Variants in INF2 observed in about 807,000 individuals in gnomAD.
The protein encoded by INF2 is inverted formin 2, also known as inverted formin-2.
A neutral mutation model predicts 123.5 loss-of-function variants in INF2; 43 were observed. That is an observed-to-expected ratio of 0.35 (90% confidence interval 0.27 to 0.45). The LOEUF is 0.45. Among genes scored for constraint, INF2 ranks in the 20% least tolerant of loss-of-function variants. INF2 has a pLI of 1.00. For missense variants in INF2, 1,453 were observed against 1,682.7 expected, an observed-to-expected ratio of 0.86 and a Z score of 2.39; for synonymous variants, 851 against 745.0, an observed-to-expected ratio of 1.14 and a Z score of -2.32.
At chr14:104,710,336 C>T in intron 13 of INF2, 148 bp downstream of exon 13, 1 of 621,560 alleles carries the variant, frequency 1.6e-6, no homozygotes, top group Non-Finnish European at 2.9e-6. Context: ...ACTCCGGAAA[C>T]CACCCTGCTG....
rs150852003 is a variant in INF2, at chr14:104,710,578, A to C, written c.2240-359A>C. ...GCACACAGGACACACAGACACACGT[A>C]CACACCCCCCCAACACACACACCCT... On this transcript the variant is annotated intron_variant, in intron 13 of 22. Transcript: ENST00000392634. 467 of 500,328 alleles carry C rather than the reference A, an allele frequency of 9.3e-4. 3 individuals carry two copies. The highest frequency in any genetic ancestry group is 7.8e-3 in the African/African-American group (406 of 52,090). The allele number at this position is 500,328 out of a possible 1,614,324, so 31.0% of individuals were successfully genotyped here.
rs1170986292 is a variant in INF2 at position 104,720,247 on chromosome 14, AT to A, written c.*1458del. 1 of 156,916 alleles carries A rather than the reference AT, an allele frequency of 6.4e-6. No individual in the cohort carries two copies. Among genetic ancestry groups the A allele is most frequent in the Admixed American group, 6.5e-5 (1 of 15,346 alleles). 9.7% of individuals were successfully genotyped at this position (156,916 alleles called of 1,614,324 possible). A position where few individuals can be genotyped will look rare whatever the true frequency, so the allele number is the denominator to read the frequency against. ...ACATTCCATTGCATGCAGGGACCAC[AT>A]TTTGTTTGTCTGCTCTTCTGTCCAT... On this transcript the variant is annotated 3_prime_UTR_variant, in exon 23 of 23. Transcript: ENST00000392634.
chr14:104,695,124 G>A (rs1225075676), intron 1 of INF2, among the ~76,000 whole-genome samples: 1 of 152,108 alleles, frequency 6.6e-6, no homozygotes, highest in African/African-American at 2.4e-5. Context: ...TTGCCCAGCA[G>A]ACCCCCTGCA....
chr14:104,711,494 G>A, intron 15 of INF2, 135 bp from the exon 16 acceptor site: 1 of 800,164 alleles, frequency 1.2e-6, no homozygotes, highest in Non-Finnish European at 2.2e-6. Context: ...CCAAGGGAAA[G>A]ATTTGAGGGT....
intron 1 of INF2, among the ~76,000 whole-genome samples, chr14:104,697,421 G>T (rs1889241052): frequency 6.6e-6 from 1 of 152,234 alleles, no homozygotes; most frequent in African/African-American, 2.4e-5. Context: ...ACAGCTCGGT[G>T]CTGGGCCTGC....
chr14:104,697,887 C>G (rs569092240), intron 1 of INF2, among the ~76,000 whole-genome samples: 2,323 of 151,912 alleles, frequency 0.015, 47 homozygotes, highest in African/African-American at 0.053. Flanking sequence ...GGTGGACTGC[C>G]GGGGGGGGTG....
At chr14:104,695,011 G>T (rs1208595179) in intron 1 of INF2, among the ~76,000 whole-genome samples, 1 of 152,160 alleles carries the variant, frequency 6.6e-6, no homozygotes, top group African/African-American at 2.4e-5. Flanking sequence ...GACAGAGGAG[G>T]GACCTGGGGC....
chr14:104,692,298 C>G (rs899491026), intron 1 of INF2, among the ~76,000 whole-genome samples: 1 of 152,264 alleles, frequency 6.6e-6, no homozygotes, highest in African/African-American at 2.4e-5. Flanking sequence ...CCATTTTACA[C>G]TCAGTGCCAT....
rs759780715 is a variant in INF2 at position 104,710,928 on chromosome 14, C to T, written c.2240-9C>T. 2.0e-5 allele frequency: 32 copies of T among 1,611,520 alleles called. No individual in the cohort carries two copies. Among genetic ancestry groups the T allele is most frequent in the Non-Finnish European group, 2.7e-5 (32 of 1,179,262 alleles). The stretch of plus-strand genomic sequence containing the variant: ...AAGAGCCCCTCTCCAGCCCTGGCTG[C>T]CCCTGCAGGCCTGCTCACCAGCCGC... On this transcript the variant is annotated splice_polypyrimidine_tract_variant and intron_variant, in intron 13 of 22. Transcript: ENST00000392634.
At chr14:104,696,948 G>A (rs970561611) in intron 1 of INF2, among the ~76,000 whole-genome samples, 2 of 152,062 alleles carry the variant, frequency 1.3e-5, no homozygotes, top group Non-Finnish European at 2.9e-5. Flanking sequence ...CCCCCCACAG[G>A]TGCTCATGTG....
intron 1 of INF2, among the ~76,000 whole-genome samples, chr14:104,692,084 G>T (rs1331536144): frequency 6.6e-6 from 1 of 152,018 alleles, no homozygotes; most frequent in East Asian, 1.9e-4. Flanking sequence ...GTCAGTCCCC[G>T]AGGGCCAGCC....
chr14:104,686,327 G>A (rs1888662875), upstream of INF2, among the ~76,000 whole-genome samples: 1 of 151,534 alleles, frequency 6.6e-6, no homozygotes, highest in South Asian at 2.1e-4. Context: ...ATGGGTGGAT[G>A]AGTGGATTAA....
rs147432375 is a variant in INF2 at position 104,691,114 on chromosome 14, G to C, written c.-10+1375G>C. On this transcript the variant is annotated intron_variant, in intron 1 of 22. Transcript: ENST00000392634. Reference sequence around the variant, plus strand: ...GGTGCGACTGTAGCCTCCACAGCCAGGGCTCCTGAGTTAACCTTCAGGTGA... The same window carrying C: ...GGTGCGACTGTAGCCTCCACAGCCACGGCTCCTGAGTTAACCTTCAGGTGA... The C allele has an allele frequency of 9.5e-3, 1,443 of 152,412 alleles. 10 individuals carry two copies. The highest frequency in any genetic ancestry group is 0.048 in the Middle Eastern group (14 of 294). 9.4% of individuals were successfully genotyped at this position (152,412 alleles called of 1,614,324 possible).
chr14:104,706,258 T>G lies in INF2; in HGVS notation c.843+82T>G, dbSNP rs188871522. ...GGTCCAGAGGCTGGGCCTGGAACGG[T>G]CCTCCCTGCCCTGGTCAGACCCTGC... On this transcript the variant is annotated intron_variant, in intron 6 of 22. Coordinates refer to ENST00000392634, the MANE Select transcript of INF2 (RefSeq NM_022489.4). 4.1e-5 allele frequency: 58 copies of G among 1,410,682 alleles called. No homozygotes were observed. In the East Asian group the frequency reaches 1.5e-3, roughly 35 times the overall value. The allele number at this position is 1,410,682 out of a possible 1,614,324, so 87.4% of individuals were successfully genotyped here.
intron 22 of INF2, among the ~76,000 whole-genome samples, chr14:104,718,264 CT>C (rs1321716017): frequency 6.6e-6 from 1 of 152,172 alleles, no homozygotes; most frequent in Non-Finnish European, 1.5e-5. Context: ...TCGAGGGCCC[CT>C]GGACCAGAAA....
chr14:104,708,564 CGGG>C lies in INF2; in HGVS notation c.1865_1867del (p.Arg622_Ala623delinsPro). The C allele has an allele frequency of 6.2e-7, 1 of 1,612,494 alleles. No homozygotes were observed. Among genetic ancestry groups the C allele is most frequent in the Non-Finnish European group, 8.5e-7 (1 of 1,179,816 alleles). ...CAAGGAGCCCACCATGGTGGCCCCCCGGGCCAGGAAGGAGCCCAAGGAGGTGGG... is the reference window on the plus strand; with the variant it reads ...CAAGGAGCCCACCATGGTGGCCCCCCCCAGGAAGGAGCCCAAGGAGGTGGG... On this transcript the variant is annotated inframe_deletion, in exon 9 of 23. Coordinates refer to ENST00000392634, the MANE Select transcript of INF2 (RefSeq NM_022489.4).
Position 104,721,562 on chromosome 14 carries a change from C to A in INF2, c.*2769C>A. On this transcript the variant is annotated 3_prime_UTR_variant, in exon 23 of 23. Transcript: ENST00000392634. Reference sequence around the variant, plus strand: ...ACTGCCTAACTGTTTTCCAAAGCAGCTGCACCATTTTTCATTCCCATCCAT... The same window carrying A: ...ACTGCCTAACTGTTTTCCAAAGCAGATGCACCATTTTTCATTCCCATCCAT... The A allele has an allele frequency of 6.5e-6, 1 of 154,096 alleles. No homozygotes were observed. Among genetic ancestry groups the A allele is most frequent in the Non-Finnish European group, 1.4e-5 (1 of 69,130 alleles). The allele number at this position is 154,096 out of a possible 1,614,324, so 9.5% of individuals were successfully genotyped here.
At chr14:104,704,103 G>A in intron 5 of INF2, 154 bp downstream of exon 5, 1 of 1,491,080 alleles carries the variant, frequency 6.7e-7, no homozygotes, top group Non-Finnish European at 8.9e-7. Context: ...CCAGCCAGAA[G>A]CCAGGTCTCA....
In INF2 at chr14:104,708,445, CTA is replaced by C; in HGVS notation, c.1747_1748del (p.Met583ValfsTer66). The C allele has an allele frequency of 1.9e-6, 3 of 1,612,138 alleles. No individual in the cohort carries two copies. The highest frequency in any genetic ancestry group is 2.5e-6 in the Non-Finnish European group (3 of 1,179,790). ...TGTCCCCACCCGACAGAGCACAACT[CTA>C]TGTGGGCGTCCCTGAGCAGCCCCGA... On this transcript the variant is annotated frameshift_variant, in exon 9 of 23. Transcript: ENST00000392634. LOFTEE classifies it high-confidence loss of function.
Sources: gnomAD v4.1 joint callset for allele counts (sites outside exome capture counted in the v4.1 genomes callset) on GRCh38, gnomAD v4.1.1 for gene constraint, MANE v1.5 for transcripts, NCBI Gene and HGNC (gene_info 2026-07-23, HGNC 2026-07-21) for gene names.